Variants in CDKL2 observed in about 807,000 individuals in gnomAD.
CDKL2 encodes cyclin dependent kinase like 2.
CDKL2 carries 64 observed loss-of-function variants against 63.9 expected under a neutral mutation model. The observed-to-expected ratio is 1.00, with a 90% CI of 0.82 to 1.23. The LOEUF is 1.23. Ranked by LOEUF, CDKL2 falls within the 50% of genes most tolerant of loss-of-function variation. The pLI, the probability that CDKL2 is intolerant of heterozygous loss-of-function variation, is 0.00. For missense variants in CDKL2, 656 were observed against 668.0 expected, an observed-to-expected ratio of 0.98 and a Z score of 0.20; for synonymous variants, 211 against 229.2, an observed-to-expected ratio of 0.92 and a Z score of 0.72.
chr4:75,616,452 C>T (rs988320681), intron 2 of CDKL2, among the ~76,000 whole-genome samples: 1 of 152,062 alleles, frequency 6.6e-6, no homozygotes, highest in African/African-American at 2.4e-5. Context: ...CACCTGAGGT[C>T]AGGAGTTCAA....
At chr4:75,606,732 A>C (rs190906167) in intron 4 of CDKL2, among the ~76,000 whole-genome samples, 95 of 152,356 alleles carry the variant, frequency 6.2e-4, no homozygotes, top group African/African-American at 2.2e-3. Context: ...ACTTGTAGAA[A>C]ATATTTTAGA....
At chr4:75,603,726 AAAGATC>A in intron 6 of CDKL2, 85 bp downstream of exon 6, 1 of 793,888 alleles carries the variant, frequency 1.3e-6, no homozygotes, top group Non-Finnish European at 1.9e-6. Context: ...AAAAAAAAAA[AAAGATC>A]AACTAGACAA....
rs1728606929 is a variant in CDKL2, at chr4:75,589,376, C to T, written c.1647+2443G>A. ...CTGGAGTGCAGTGGCGGGATCTCGG[C>T]TCACTGCAAGCTCCGCCTCCCGGGT... On this transcript the variant is annotated intron_variant, in intron 12 of 13. Coordinates refer to ENST00000307465, the MANE Select transcript of CDKL2 (RefSeq NM_001330724.2). Among the ~76,000 whole-genome samples the T allele has an allele frequency of 3.5e-5, 5 of 141,720 alleles. No homozygotes were observed. In the Admixed American group the frequency reaches 3.7e-4, roughly 10 times the overall value. The allele number at this position is 141,720 out of a possible 152,430, so 93.0% of individuals were successfully genotyped here.
At position 75,596,335 on chromosome 4, in the gene CDKL2, T is replaced by A. The variant is rs773953532; in HGVS notation, c.1328A>T (p.Asp443Val). ...AATAGAACACTTCTTAGTTTTCTCA[T>A]CCACTCTGTAACGACAAAAAAAAAT... ...ETIPIQGYRVDEKTKKCSIPF... is the reference protein window; with the variant it reads ...ETIPIQGYRVVEKTKKCSIPF... Residue 443 changes from aspartate to valine, a missense_variant, in exon 10 of 14, where the codon GAT becomes GTT. By Grantham distance (152) the Asp-to-Val change is radical. Coordinates refer to ENST00000307465, the MANE Select transcript of CDKL2 (RefSeq NM_001330724.2). 6.2e-7 allele frequency: 1 copy of A among 1,601,286 alleles called. No homozygotes were observed. Among genetic ancestry groups the A allele is most frequent in the Non-Finnish European group, 8.6e-7 (1 of 1,168,772 alleles).
At position 75,577,634 on chromosome 4, in the gene CDKL2, C is replaced by A. The variant is rs1728080597; in HGVS notation, c.*1568G>T. Among the ~76,000 whole-genome samples the A allele has an allele frequency of 6.6e-6, 1 of 152,144 alleles. No individual in the cohort carries two copies. The highest frequency in any genetic ancestry group is 1.5e-5 in the Non-Finnish European group (1 of 68,014). On this transcript the variant is annotated 3_prime_UTR_variant, in exon 14 of 14. Coordinates refer to ENST00000307465, the MANE Select transcript of CDKL2 (RefSeq NM_001330724.2). ...TTTGCCATGCTGCAGAATCTATTGGCAGTGTTTTTCAAAGTAAAAATAAAG... is the reference window on the plus strand; with the variant it reads ...TTTGCCATGCTGCAGAATCTATTGGAAGTGTTTTTCAAAGTAAAAATAAAG...
intron 6 of CDKL2, among the ~76,000 whole-genome samples, chr4:75,603,525 T>C (rs1212959281): frequency 6.7e-6 from 1 of 149,856 alleles, no homozygotes; most frequent in Non-Finnish European, 1.5e-5. Context: ...GGTCAGGAGA[T>C]TGAGACCATC....
chr4:75,579,440 G>A (rs912893949), intron 13 of CDKL2, among the ~76,000 whole-genome samples: 4 of 152,172 alleles, frequency 2.6e-5, no homozygotes, highest in African/African-American at 7.2e-5. Flanking sequence ...TTGGGAGGCC[G>A]AGGCGGGCAG....
chr4:75,583,242 T>A (rs188739328), intron 12 of CDKL2, among the ~76,000 whole-genome samples: 2 of 152,362 alleles, frequency 1.3e-5, no homozygotes, highest in African/African-American at 4.8e-5. Context: ...GTAGTACATA[T>A]GAAGTTCTAA....
chr4:75,612,491 C>G (rs763485837), intron 3 of CDKL2, among the ~76,000 whole-genome samples: 4 of 152,150 alleles, frequency 2.6e-5, no homozygotes, highest in African/African-American at 4.8e-5. Context: ...TTTTTGCTTA[C>G]TGGTTCCACT....
chr4:75,595,092 T>G (rs1728858211), intron 10 of CDKL2, among the ~76,000 whole-genome samples: 1 of 152,174 alleles, frequency 6.6e-6, no homozygotes, highest in African/African-American at 2.4e-5. Flanking sequence ...TTGCTGATCC[T>G]CTAGATCATG....
In CDKL2 at chr4:75,578,222, G is replaced by C. The variant is rs1728112128; in HGVS notation, c.*980C>G. ...CTTTTGAGACGGCCTGAGTGTTTGAGGCCACAAGGAGACAGGAACTTCTCT... is the reference window on the plus strand; with the variant it reads ...CTTTTGAGACGGCCTGAGTGTTTGACGCCACAAGGAGACAGGAACTTCTCT... On this transcript the variant is annotated 3_prime_UTR_variant, in exon 14 of 14. Coordinates refer to ENST00000307465, the MANE Select transcript of CDKL2 (RefSeq NM_001330724.2). 1 of 152,160 alleles carries C rather than the reference G, an allele frequency of 6.6e-6. No individual in the cohort carries two copies. Among genetic ancestry groups the C allele is most frequent in the African/African-American group, 2.4e-5 (1 of 41,416 alleles). The allele number at this position is 152,160 out of a possible 1,614,324, so 9.4% of individuals were successfully genotyped here. A position where few individuals can be genotyped will look rare whatever the true frequency, so the allele number is the denominator to read the frequency against.
chr4:75,584,441 A>G (rs189209247), intron 12 of CDKL2, among the ~76,000 whole-genome samples: 13 of 152,300 alleles, frequency 8.5e-5, no homozygotes, highest in Admixed American at 7.8e-4. Context: ...TTTCTCCCCA[A>G]TGCCTCCAGA....
At chr4:75,606,076 C>T (rs1377449252) in intron 4 of CDKL2, among the ~76,000 whole-genome samples, 1 of 152,152 alleles carries the variant, frequency 6.6e-6, no homozygotes, top group East Asian at 1.9e-4. Flanking sequence ...CCTATTCATT[C>T]TTTGTTTACG....
At chr4:75,589,860 T>C (rs1728634214) in intron 12 of CDKL2, among the ~76,000 whole-genome samples, 1 of 151,708 alleles carries the variant, frequency 6.6e-6, no homozygotes, top group South Asian at 2.1e-4. Flanking sequence ...CCTGCACCTG[T>C]AGTCCCAGCT....
chr4:75,629,466 C>T (rs1553984), intron 1 of CDKL2, among the ~76,000 whole-genome samples: 138,330 of 152,314 alleles, frequency 0.91, 62,991 homozygotes, highest in African/African-American at 0.98. Context: ...ACAAAGCCTC[C>T]TGTTTCCTGA....
At chr4:75,590,373 C>A (rs1403157311) in intron 12 of CDKL2, among the ~76,000 whole-genome samples, 1 of 152,158 alleles carries the variant, frequency 6.6e-6, no homozygotes, top group Non-Finnish European at 1.5e-5. Context: ...AATTTGTTAT[C>A]CTCACAGTAA....
intron 2 of CDKL2, among the ~76,000 whole-genome samples, chr4:75,622,715 C>CAAAAAAAAAAA (rs1171964321): frequency 2.0e-3 from 28 of 13,960 alleles, no homozygotes; most frequent in South Asian, 0.011. Flanking sequence ...AAGACTCCAT[C>CAAAAAAAAAAA]AAAAAAAAAA....
intron 12 of CDKL2, among the ~76,000 whole-genome samples, chr4:75,583,211 G>T (rs920633169): frequency 3.9e-5 from 6 of 152,138 alleles, no homozygotes; most frequent in Admixed American, 2.6e-4. Context: ...TAACGTATTG[G>T]GGTTCTGGAG....
At chr4:75,598,881 T>C (rs1162520504) in intron 7 of CDKL2, among the ~76,000 whole-genome samples, 1 of 152,194 alleles carries the variant, frequency 6.6e-6, no homozygotes, top group African/African-American at 2.4e-5. Flanking sequence ...AAACATTTTC[T>C]TTTAACAAAT....
Sources: gnomAD v4.1 joint callset for allele counts (sites outside exome capture counted in the v4.1 genomes callset) on GRCh38, gnomAD v4.1.1 for gene constraint, MANE v1.5 for transcripts, NCBI Gene and HGNC (gene_info 2026-07-23, HGNC 2026-07-21) for gene names.